Variants in ASIC2 observed in about 807,000 individuals in gnomAD.
ASIC2 encodes the protein acid sensing ion channel subunit 2, also known as acid-sensing ion channel 2.
Under a neutral mutation model 57.3 loss-of-function variants are expected in ASIC2, and 25 were observed. That is an observed-to-expected ratio of 0.44 (90% CI 0.32 to 0.61). The LOEUF is 0.61. Ranked by LOEUF, ASIC2 falls within the 20% of genes least tolerant of loss-of-function variation. The pLI is 0.06. For synonymous variants in ASIC2, 319 were observed against 307.5 expected (o/e 1.04, Z -0.39); for missense variants, 641 against 738.1 (o/e 0.87, Z 1.52).
At chr17:33,687,898 A>G (rs964448816) in intron 1 of ASIC2, among the ~76,000 whole-genome samples, 4 of 152,180 alleles carry the variant, frequency 2.6e-5, no homozygotes, top group Non-Finnish European at 5.9e-5. Context: ...GCAATTACCT[A>G]TAATTTTGCT....
chr17:33,472,600 C>A (rs1261694146), intron 1 of ASIC2, among the ~76,000 whole-genome samples: 1 of 152,166 alleles, frequency 6.6e-6, no homozygotes, highest in Admixed American at 6.5e-5. Context: ...TCTCTTCACC[C>A]AAAGTGGAGA....
At chr17:33,714,026 G>C (rs181136907) in intron 1 of ASIC2, among the ~76,000 whole-genome samples, 31 of 152,062 alleles carry the variant, frequency 2.0e-4, no homozygotes, top group Admixed American at 5.2e-4. Flanking sequence ...CAAGTGGGGG[G>C]TGGGCATGGC....
Position 33,143,030 on chromosome 17 carries a change from G to A in ASIC2, c.709-30963C>T, listed in dbSNP as rs189981469. 2.6e-3 allele frequency among the ~76,000 whole-genome samples: 390 copies of A among 152,338 alleles called. 2 individuals carry two copies. The highest frequency in any genetic ancestry group is 9.1e-3 in the African/African-American group (377 of 41,570). Reference sequence around the variant, plus strand: ...ATAAGGGCTTAGTGATGAGCTGCGAGAAGAAAACATGGGTCCCAGGGTGAC... The same window carrying A: ...ATAAGGGCTTAGTGATGAGCTGCGAAAAGAAAACATGGGTCCCAGGGTGAC... On this transcript the variant is annotated intron_variant, in intron 1 of 9. Coordinates refer to ENST00000225823, the MANE Select transcript of ASIC2 (RefSeq NM_183377.2).
chr17:34,147,878 G>A (rs184748669), intron 1 of ASIC2, among the ~76,000 whole-genome samples: 1 of 152,300 alleles, frequency 6.6e-6, no homozygotes, highest in African/African-American at 2.4e-5. Context: ...CATATGGGCT[G>A]CTCTATGGAG....
At chr17:33,629,947 C>G (rs1385199055) in intron 1 of ASIC2, among the ~76,000 whole-genome samples, 1 of 152,194 alleles carries the variant, frequency 6.6e-6, no homozygotes, top group Non-Finnish European at 1.5e-5. Flanking sequence ...GGGGCTTGTT[C>G]AAGACTTGGG....
At chr17:33,811,279 GA>G (rs1409127180) in intron 1 of ASIC2, among the ~76,000 whole-genome samples, 1 of 152,190 alleles carries the variant, frequency 6.6e-6, no homozygotes, top group East Asian at 1.9e-4. Context: ...CCAGAGAGGA[GA>G]AACAGGGGAC....
At chr17:33,966,497 A>G (rs560338528) in intron 1 of ASIC2, among the ~76,000 whole-genome samples, 4 of 152,362 alleles carry the variant, frequency 2.6e-5, no homozygotes, top group Admixed American at 2.0e-4. Context: ...GAACCGCCAT[A>G]AAAACTGGTA....
chr17:33,258,453 C>T (rs1423109514), intron 1 of ASIC2, among the ~76,000 whole-genome samples: 1 of 151,994 alleles, frequency 6.6e-6, no homozygotes, highest in Non-Finnish European at 1.5e-5. Flanking sequence ...TAATTTGGTG[C>T]CATGAGGTAA....
intron 1 of ASIC2, among the ~76,000 whole-genome samples, chr17:34,085,671 ACT>A (rs1293365878): frequency 2.6e-5 from 4 of 151,142 alleles, no homozygotes; most frequent in Non-Finnish European, 4.4e-5. Context: ...CTGGTCCTGG[ACT>A]CTTTTTGGTT....
intron 1 of ASIC2, among the ~76,000 whole-genome samples, chr17:33,807,155 G>A (rs776094337): frequency 2.0e-5 from 3 of 152,170 alleles, no homozygotes; most frequent in Non-Finnish European, 4.4e-5. Flanking sequence ...CAGGACACCA[G>A]GCACCCCACT....
At chr17:33,272,586 GTCA>G (rs922431515) in intron 1 of ASIC2, among the ~76,000 whole-genome samples, 3 of 151,958 alleles carry the variant, frequency 2.0e-5, no homozygotes, top group African/African-American at 7.3e-5. Flanking sequence ...TGGCTGTATT[GTCA>G]TCATCATCAT....
intron 1 of ASIC2, among the ~76,000 whole-genome samples, chr17:33,957,104 A>G (rs78273029): frequency 0.057 from 8,617 of 152,230 alleles, 725 homozygotes; most frequent in African/African-American, 0.18. Context: ...GGGGTTGGTA[A>G]TGACCTCCAG....
chr17:33,572,777 A>C (rs1050555241), intron 1 of ASIC2, among the ~76,000 whole-genome samples: 1 of 152,204 alleles, frequency 6.6e-6, no homozygotes, highest in Non-Finnish European at 1.5e-5. Context: ...ATCTGCACGA[A>C]GTGATGGGCG....
intron 1 of ASIC2, chr17:34,002,162 T>C (rs934754494): frequency 6.6e-6 from 1 of 152,248 alleles, no homozygotes; most frequent in African/African-American, 2.4e-5. Flanking sequence ...CATCCTTCTA[T>C]ACACTGTTTT....
chr17:33,093,553 T>C (rs1371668701), intron 2 of ASIC2, among the ~76,000 whole-genome samples: 1 of 152,008 alleles, frequency 6.6e-6, no homozygotes, highest in African/African-American at 2.4e-5. Flanking sequence ...CAGCGTAACA[T>C]GAAAGATAAT....
At chr17:33,957,176 T>C (rs1904762870) in intron 1 of ASIC2, among the ~76,000 whole-genome samples, 1 of 152,172 alleles carries the variant, frequency 6.6e-6, no homozygotes, top group Non-Finnish European at 1.5e-5. Context: ...TCCCTACATA[T>C]CCAAAGCTCT....
intron 1 of ASIC2, among the ~76,000 whole-genome samples, chr17:33,373,544 G>A (rs1909165036): frequency 6.6e-6 from 1 of 152,228 alleles, no homozygotes; most frequent in South Asian, 2.1e-4. Flanking sequence ...AGAGAGGCCT[G>A]AACTCTGCTA....
At chr17:34,057,299 TATTAA>T (rs1221269620) in intron 1 of ASIC2, among the ~76,000 whole-genome samples, 2 of 152,154 alleles carry the variant, frequency 1.3e-5, no homozygotes, top group Non-Finnish European at 2.9e-5. Flanking sequence ...CTTGAAAAAC[TATTAA>T]ATTAAAAGTT....
intron 1 of ASIC2, among the ~76,000 whole-genome samples, chr17:33,412,380 G>A (rs1373680863): frequency 1.3e-5 from 2 of 152,136 alleles, no homozygotes; most frequent in Non-Finnish European, 2.9e-5. Context: ...GGGTAGAGAG[G>A]GGGTGCTGAC....
Sources: allele counts gnomAD v4.1 joint callset (sites outside exome capture counted in the v4.1 genomes callset), GRCh38; gene constraint gnomAD v4.1.1; transcripts MANE v1.5; gene names NCBI Gene and HGNC (gene_info 2026-07-23, HGNC 2026-07-21).